Variants in ANKRD36C observed in about 807,000 individuals in gnomAD.
The protein encoded by ANKRD36C is ankyrin repeat domain 36C.
In ANKRD36C, 61 loss-of-function variants were observed where a neutral mutation model predicts 276.4. The ratio of observed to expected loss-of-function variants is 0.22; its 90% confidence interval spans 0.18 to 0.27. The LOEUF is 0.27. Among genes scored for constraint, ANKRD36C ranks in the 10% least tolerant of loss-of-function variants. The pLI is 1.00. For synonymous variants in ANKRD36C, 483 were observed against 680.1 expected (o/e 0.71, Z 4.51); for missense variants, 1,447 against 2,032.3 (o/e 0.71, Z 5.54).
At chr2:95,913,060 G>A (rs927069952) in intron 40 of ANKRD36C, among the ~76,000 whole-genome samples, 4 of 149,696 alleles carry the variant, frequency 2.7e-5, no homozygotes, top group African/African-American at 7.4e-5. Context: ...GTATCCACTA[G>A]TTTAGGCTTC....
At chr2:95,870,500 C>A (rs1018406782) in intron 59 of ANKRD36C, among the ~76,000 whole-genome samples, 3 of 152,106 alleles carry the variant, frequency 2.0e-5, no homozygotes, top group African/African-American at 7.2e-5. Context: ...ACATCCACAT[C>A]AAAAACCCAT....
rs776431620 is a variant in ANKRD36C, at chr2:95,857,401, A to G, written c.3988T>C (p.Tyr1330His). Residue 1330 changes from tyrosine (Y) to histidine (H), a missense_variant, in exon 62 of 67, where the codon TAT becomes CAT. Transcript: ENST00000456556. ...TTTGTCACATCAGCTTCTATCCTAT[A>G]TTGCTCTTCTGTGATTCTTAACTTT... 6.2e-6 allele frequency: 10 copies of G among 1,609,832 alleles called. No individual in the cohort carries two copies. In the East Asian group the frequency reaches 1.6e-4, roughly 25 times the overall value.
chr2:95,956,805 C>G, exon 13 of ANKRD36C: 10 of 1,533,892 alleles, frequency 6.5e-6, no homozygotes, highest in Non-Finnish European at 7.9e-6. Context: ...CACTGTTCAA[C>G]AGCAGGAAGC....
At chr2:95,911,819 A>T (rs565323374) in intron 42 of ANKRD36C, among the ~76,000 whole-genome samples, 3 of 151,530 alleles carry the variant, frequency 2.0e-5, no homozygotes, top group African/African-American at 7.2e-5. Flanking sequence ...TTGCTACATC[A>T]GGGGTCTCCT....
At position 95,919,899 on chromosome 2, in the gene ANKRD36C, G is replaced by T. The variant is rs542964910; in HGVS notation, c.2245+1708C>A. 148 of 1,545,888 alleles carry T rather than the reference G, an allele frequency of 9.6e-5. 25 individuals carry two copies. In the East Asian group the frequency reaches 3.8e-3, roughly 39 times the overall value. ...AAATGAGAGTTTAATTACCTTCAAGGCTGGTTGTTTCTGAGAAGACACTGA... is the reference window on the plus strand; with the variant it reads ...AAATGAGAGTTTAATTACCTTCAAGTCTGGTTGTTTCTGAGAAGACACTGA... On this transcript the variant is annotated intron_variant, in intron 34 of 66. Transcript: ENST00000456556.
rs546138570 is a variant in ANKRD36C, at chr2:95,860,721, C to T, written c.3683-647G>A. 5.9e-5 allele frequency among the ~76,000 whole-genome samples: 9 copies of T among 152,162 alleles called. No individual in the cohort carries two copies. In the South Asian group the frequency reaches 1.5e-3, roughly 25 times the overall value. On this transcript the variant is annotated intron_variant, in intron 60 of 66. Coordinates refer to ENST00000456556, the Ensembl canonical transcript of ANKRD36C. ...TTTTGACAGAGTTTTGACGGAGGTT[C>T]GAGGCCATGACAAAGGGAGAAAATC... is the stretch of plus-strand genomic sequence containing the variant.
chr2:95,880,449 T>C (rs4063001), exon 58 of ANKRD36C: 39 of 1,555,940 alleles, frequency 2.5e-5, no homozygotes, highest in Non-Finnish European at 3.1e-5. Context: ...TTTGTACATC[T>C]TTCATTTTGG....
intron 48 of ANKRD36C, among the ~76,000 whole-genome samples, chr2:95,888,985 C>T (rs1057510512): frequency 8.6e-5 from 13 of 151,598 alleles, no homozygotes; most frequent in Non-Finnish European, 8.9e-5. Context: ...GAGTATCATG[C>T]TATTCCCTAA....
intron 54 of ANKRD36C, among the ~76,000 whole-genome samples, chr2:95,883,569 T>C (rs1676133920): frequency 6.6e-6 from 1 of 152,114 alleles, no homozygotes; most frequent in Admixed American, 6.6e-5. Flanking sequence ...GAGTCCTTCC[T>C]GCTTCCATTG....
intron 42 of ANKRD36C, 93 bp downstream of exon 44, chr2:95,912,151 G>A: frequency 6.7e-7 from 1 of 1,484,460 alleles, no homozygotes; most frequent in South Asian, 1.2e-5. Context: ...GAATCAGAAT[G>A]TGCAGCTTCG....
At chr2:95,988,843 A>T (rs1679082346) in intron 1 of ANKRD36C, among the ~76,000 whole-genome samples, 1 of 152,080 alleles carries the variant, frequency 6.6e-6, no homozygotes, top group African/African-American at 2.4e-5. Flanking sequence ...TGAAGAGGCT[A>T]AAAGTTCACA....
intron 5 of ANKRD36C, among the ~76,000 whole-genome samples, chr2:95,979,379 A>G (rs1286668487): frequency 2.0e-5 from 3 of 152,082 alleles, no homozygotes; most frequent in African/African-American, 7.2e-5. Context: ...TAACTTTTAC[A>G]TATAACTGCT....
At chr2:95,923,894 T>C (rs1333891576) in intron 30 of ANKRD36C, among the ~76,000 whole-genome samples, 4 of 151,594 alleles carry the variant, frequency 2.6e-5, no homozygotes, top group Non-Finnish European at 5.9e-5. Context: ...ACAATGTCAA[T>C]CATGGTATGA....
chr2:95,962,331 T>C, intron 8 of ANKRD36C, 21 bp downstream of exon 8: 1 of 1,549,058 alleles, frequency 6.5e-7, no homozygotes, highest in Non-Finnish European at 8.7e-7. Flanking sequence ...AACATGACAT[T>C]AGATGTGTAT....
intron 40 of ANKRD36C, among the ~76,000 whole-genome samples, chr2:95,913,616 T>A (rs533939837): frequency 6.6e-6 from 1 of 151,442 alleles, no homozygotes; most frequent in East Asian, 2.0e-4. Context: ...CAAAATTATA[T>A]AAATGACTTC....
chr2:95,873,783 T>C (rs554763749), intron 59 of ANKRD36C, among the ~76,000 whole-genome samples: 1 of 152,318 alleles, frequency 6.6e-6, no homozygotes, highest in East Asian at 1.9e-4. Context: ...AAAACCCCAT[T>C]GTCTCAGCCC....
chr2:95,870,155 C>T (rs895089845), intron 59 of ANKRD36C, among the ~76,000 whole-genome samples: 7 of 152,204 alleles, frequency 4.6e-5, no homozygotes, highest in African/African-American at 7.2e-5. Context: ...GCTTTGAAGA[C>T]AGCAGTGGTT....
chr2:95,917,381 A>G (rs1279793453), intron 36 of ANKRD36C, among the ~76,000 whole-genome samples: 1 of 151,536 alleles, frequency 6.6e-6, no homozygotes, highest in Admixed American at 6.6e-5. Context: ...CTGTCTGACA[A>G]TCCATCATCC....
intron 1 of ANKRD36C, among the ~76,000 whole-genome samples, chr2:95,991,310 A>C (rs1679133843): frequency 2.0e-5 from 1 of 50,100 alleles, no homozygotes; most frequent in East Asian, 7.0e-4. Context: ...CCCATCCCCC[A>C]ACTCACTCCA....
Sources: allele counts gnomAD v4.1 joint callset (sites outside exome capture counted in the v4.1 genomes callset), GRCh38; gene constraint gnomAD v4.1.1; transcripts MANE v1.5; gene names NCBI Gene and HGNC (gene_info 2026-07-23, HGNC 2026-07-21).